SNED1: variants seen among roughly 807,000 people sequenced by gnomAD.
SNED1 encodes the protein sushi, nidogen and EGF-like domain-containing protein 1.
SNED1 carries 81 observed loss-of-function variants against 166.7 expected under a neutral mutation model. The ratio of observed to expected loss-of-function variants is 0.49; its 90% CI spans 0.41 to 0.58. The LOEUF is 0.58. Ranked by LOEUF, SNED1 falls within the 20% of genes least tolerant of loss-of-function variation. The probability of loss-of-function intolerance (pLI) is 0.00; values close to 1 mark genes in which losing one functional copy is unlikely to be tolerated. For missense variants in SNED1, 1,604 were observed against 2,000.2 expected (o/e 0.80, Z 3.78); for synonymous variants, 762 against 822.0 (o/e 0.93, Z 1.25).
intron 1 of SNED1, among the ~76,000 whole-genome samples, chr2:241,021,027 C>G (rs2060756519): frequency 6.6e-6 from 1 of 152,192 alleles, no homozygotes; most frequent in Non-Finnish European, 1.5e-5. Flanking sequence ...TAAGCATCCC[C>G]ACTGCAACCC....
rs374273335 is a variant in SNED1, at chr2:241,064,942, G to A, written c.2698G>A (p.Glu900Lys). 9.6e-5 allele frequency: 152 copies of A among 1,586,002 alleles called. 1 individual carries two copies. The highest frequency in any genetic ancestry group is 5.8e-4 in the Admixed American group (31 of 53,480). Reference sequence around the variant, plus strand: ...CACCTGCAAAGTGGGCTACACGGGCGAGGACTGCGCCAAAGGTGGGTGGCG... The same window carrying A: ...CACCTGCAAAGTGGGCTACACGGGCAAGGACTGCGCCAAAGGTGGGTGGCG... Reference protein sequence around the residue: ...SCTCKVGYTGEDCAKELFPPT... With the variant: ...SCTCKVGYTGKDCAKELFPPT... The change falls in exon 20 of 32, where the codon GAG (glutamate) becomes AAG (lysine). Residue 900 changes from glutamate to lysine, a missense_variant. Glu to Lys is a moderately conservative substitution (Grantham distance 56). This residue lies in a region of SNED1 where 1,237 missense variants were observed against 1,620.8 expected (regional missense o/e 0.76). Transcript: ENST00000310397. This position sits in a 1 kb window ranked among gnomAD's most constrained non-coding sequence, Gnocchi z 7.0.
At chr2:240,998,491 G>A (rs1296991209), upstream of SNED1, among the ~76,000 whole-genome samples, 1 of 152,182 alleles carries the variant, frequency 6.6e-6, no homozygotes, top group Admixed American at 6.5e-5. Context: ...CCAGGGGACT[G>A]AGCTCCCCGC....
intron 1 of SNED1, among the ~76,000 whole-genome samples, chr2:241,001,982 C>T (rs998168345): frequency 7.9e-5 from 12 of 152,186 alleles, no homozygotes; most frequent in African/African-American, 1.2e-4. Flanking sequence ...CGTGCCACAC[C>T]GCAAGTCTGC....
At chr2:241,007,075 A>C (rs558912323) in intron 1 of SNED1, among the ~76,000 whole-genome samples, 1 of 152,390 alleles carries the variant, frequency 6.6e-6, no homozygotes, top group South Asian at 2.1e-4. Context: ...ATGATGAAAC[A>C]TATAAATGAG....
At chr2:241,023,738 CTT>C (rs1324175769) in intron 1 of SNED1, among the ~76,000 whole-genome samples, 1 of 152,126 alleles carries the variant, frequency 6.6e-6, no homozygotes, top group Non-Finnish European at 1.5e-5. Flanking sequence ...AATTGATCCT[CTT>C]TACCACTAGC....
Position 241,076,972 on chromosome 2 carries a change from C to A in SNED1, c.3916+3608C>A, listed in dbSNP as rs528090418. Among the ~76,000 whole-genome samples, 91 of 151,686 alleles carry A rather than the reference C, an allele frequency of 6.0e-4. 1 individual carries two copies. Among genetic ancestry groups the A allele is most frequent in the Admixed American group, 1.9e-3 (29 of 15,194 alleles). ...CGGGCGCCTGTGGTCCCAGCTACTC[C>A]GGAGGCTGAGGCAGGAGAATGGCGT... is the stretch of plus-strand genomic sequence containing the variant. On this transcript the variant is annotated intron_variant, in intron 27 of 31. Coordinates refer to ENST00000310397, the MANE Select transcript of SNED1 (RefSeq NM_001080437.3).
At chr2:241,044,026 A>G (rs189411587) in intron 8 of SNED1, among the ~76,000 whole-genome samples, 16 of 152,362 alleles carry the variant, frequency 1.1e-4, no homozygotes, top group Middle Eastern at 3.4e-3. Context: ...AAAGATATAC[A>G]TTGTAAACCC....
intron 6 of SNED1, among the ~76,000 whole-genome samples, chr2:241,037,961 TC>T (rs986387314): frequency 1.1e-4 from 16 of 152,150 alleles, no homozygotes; most frequent in Non-Finnish European, 2.4e-4. Flanking sequence ...AGAGCCCAGC[TC>T]TTTCGAAGCA....
chr2:241,000,179 C>A (rs111427156), intron 1 of SNED1, among the ~76,000 whole-genome samples: 21 of 152,282 alleles, frequency 1.4e-4, no homozygotes, highest in Non-Finnish European at 2.6e-4. Context: ...ACATCCTCTG[C>A]ATGGTTGTCA....
In SNED1 at chr2:240,999,034, A is replaced by G; in HGVS notation, c.197A>G (p.Glu66Gly). 7.6e-7 allele frequency: 1 copy of G among 1,320,896 alleles called. No individual in the cohort carries two copies. The highest frequency in any genetic ancestry group is 9.7e-7 in the Non-Finnish European group (1 of 1,030,730). 81.8% of individuals were successfully genotyped at this position (1,320,896 alleles called of 1,614,324 possible). The change falls in exon 1 of 32, where the codon GAG (glutamate) becomes GGG (glycine). Residue 66 changes from glutamate to glycine, a missense_variant. Coordinates refer to ENST00000310397, the MANE Select transcript of SNED1 (RefSeq NM_001080437.3). This position sits in a 1 kb window ranked among gnomAD's most constrained non-coding sequence, Gnocchi z 5.8. ...GTGCCCTTCCCGTTCTTCGGTGCCG[A>G]GCACTCCGGACTCTACGTGAGTAAC... ...LSVPFPFFGA[E>G]HSGLYVNNNG... is the part of the protein sequence containing the mutation.
intron 1 of SNED1, among the ~76,000 whole-genome samples, chr2:241,024,449 A>C (rs991863820): frequency 3.3e-5 from 5 of 150,130 alleles, no homozygotes; most frequent in Admixed American, 3.3e-4. Flanking sequence ...GGGTTTCACT[A>C]TGTTGGCCAG....
chr2:241,074,099 TCAGATTGGGATCACCCCTCAACC>T (rs2062888191), intron 27 of SNED1: 2 of 152,194 alleles, frequency 1.3e-5, no homozygotes, highest in South Asian at 4.2e-4. Flanking sequence ...TACCATAGAC[TCAGATTGGGATCACCCCTCAACC>T]CAACCCCAAA....
In SNED1 at chr2:241,073,206, C is replaced by G; in HGVS notation, c.3818-60C>G. The G allele has an allele frequency of 7.6e-7, 1 of 1,318,552 alleles. No homozygotes were observed. Among genetic ancestry groups the G allele is most frequent in the South Asian group, 1.3e-5 (1 of 78,502 alleles). The allele number at this position is 1,318,552 out of a possible 1,614,324, so 81.7% of individuals were successfully genotyped here. On this transcript the variant is annotated intron_variant, in intron 26 of 31. Coordinates refer to ENST00000310397, the MANE Select transcript of SNED1 (RefSeq NM_001080437.3). This position sits in a 1 kb window ranked among gnomAD's most constrained non-coding sequence, Gnocchi z 6.6. ...TATAGAAGCACTCAAAAGGGTGGCC[C>G]CAGGACCATCCCGGGTGCAAAGCAG...
Position 241,069,856 on chromosome 2 carries a change from C to T in SNED1, c.3308-64C>T, listed in dbSNP as rs1400330984. ...CGGCAGCCCATGTCCGGTTCTCAAA[C>T]CGTGTTCTTGCCAGAAGACCCTGTG... On this transcript the variant is annotated intron_variant, in intron 23 of 31. Transcript: ENST00000310397. This position sits in a 1 kb window ranked among gnomAD's most constrained non-coding sequence, Gnocchi z 4.9. 8 of 1,559,974 alleles carry T rather than the reference C, an allele frequency of 5.1e-6. No homozygotes were observed. Among genetic ancestry groups the T allele is most frequent in the Non-Finnish European group, 6.9e-6 (8 of 1,151,896 alleles).
At position 241,052,415 on chromosome 2, in the gene SNED1, C is replaced by T. The variant is rs762468893; in HGVS notation, c.2030C>T (p.Thr677Met). 31 of 1,605,832 alleles carry T rather than the reference C, an allele frequency of 1.9e-5. No individual in the cohort carries two copies. The highest frequency in any genetic ancestry group is 3.3e-4 in the Middle Eastern group (2 of 6,006). ...VNGGTCEDRD[T>M]DFFCHCQAGY... ...GGGGGCACCTGCGAGGACCGGGACA[C>T]GGATTTCTTCTGCCACTGCCAAGCA... Residue 677 changes from threonine to methionine, a missense_variant, in exon 15 of 32, where the codon ACG (threonine) becomes ATG (methionine). By Grantham distance (81) the Thr-to-Met change is moderately conservative (BLOSUM62 -1). Around this residue, in one of 2 missense-constraint regions of SNED1, gnomAD observed 1,237 missense variants for 1,620.8 expected, o/e 0.76. Coordinates refer to ENST00000310397, the MANE Select transcript of SNED1 (RefSeq NM_001080437.3).
Position 241,064,132 on chromosome 2 carries a change from C to T in SNED1, c.2599+7C>T, listed in dbSNP as rs771956703. ...GGCTACCACTGCGAGACAGGTAGGGCGGCAGGCCTGCCTGCTCCCCGCCCT... is the reference window on the plus strand; with the variant it reads ...GGCTACCACTGCGAGACAGGTAGGGTGGCAGGCCTGCCTGCTCCCCGCCCT... On this transcript the variant is annotated splice_region_variant and intron_variant, in intron 19 of 31. Transcript: ENST00000310397. This position sits in a 1 kb window ranked among gnomAD's most constrained non-coding sequence, Gnocchi z 7.0. The T allele has an allele frequency of 8.5e-6, 13 of 1,535,384 alleles. 1 individual carries two copies. Among genetic ancestry groups the T allele is most frequent in the African/African-American group, 5.5e-5 (4 of 72,626 alleles).
At chr2:241,065,236 G>C in intron 20 of SNED1, 63 bp from the exon 21 acceptor site, 1 of 1,564,138 alleles carries the variant, frequency 6.4e-7, no homozygotes, top group Non-Finnish European at 8.7e-7. Context: ...GCCGACGGGA[G>C]CCAGGCATGC....
At chr2:241,046,128 C>G (rs1044579765) in intron 8 of SNED1, among the ~76,000 whole-genome samples, 4 of 152,272 alleles carry the variant, frequency 2.6e-5, no homozygotes, top group Admixed American at 2.6e-4. Context: ...TCACAACAAA[C>G]TCATTAGAAT....
intron 1 of SNED1, among the ~76,000 whole-genome samples, chr2:241,029,938 A>G (rs1292930980): frequency 6.6e-6 from 1 of 152,242 alleles, no homozygotes; most frequent in East Asian, 1.9e-4. Flanking sequence ...GAGGAGCAGT[A>G]GCTGCTGGGC....
Sources: allele counts gnomAD v4.1 joint callset (sites outside exome capture counted in the v4.1 genomes callset), GRCh38; gene constraint gnomAD v4.1.1; regional missense constraint gnomAD v4.1.1; non-coding constraint Gnocchi (gnomAD v3.1); transcripts MANE v1.5; gene names NCBI Gene and HGNC (gene_info 2026-07-23, HGNC 2026-07-21).